The following DLGAP1 variants were observed in gnomAD, a reference collection of about 807,000 sequenced individuals.
DLGAP1 encodes the protein DLG associated protein 1.
Under a neutral mutation model 90.8 loss-of-function variants are expected in DLGAP1, and 11 were observed. That is an observed-to-expected ratio of 0.12 (90% CI 0.08 to 0.20). DLGAP1 has a LOEUF of 0.20. Ranked by LOEUF, DLGAP1 falls within the 10% of genes least tolerant of loss-of-function variation. DLGAP1 has a pLI of 1.00. For missense variants in DLGAP1, 1,050 were observed against 1,333.8 expected, an observed-to-expected ratio of 0.79 and a Z score of 3.31; for synonymous variants, 558 against 540.7, an observed-to-expected ratio of 1.03 and a Z score of -0.44.
intron 4 of DLGAP1, among the ~76,000 whole-genome samples, chr18:3,849,287 T>C (rs1274838793): frequency 2.6e-5 from 4 of 152,152 alleles, no homozygotes; most frequent in Non-Finnish European, 5.9e-5. Context: ...AAAAGGTGCA[T>C]GGGTCACTAC....
At chr18:4,176,894 C>G (rs1406466334) in intron 1 of DLGAP1, among the ~76,000 whole-genome samples, 1 of 152,180 alleles carries the variant, frequency 6.6e-6, no homozygotes, top group African/African-American at 2.4e-5. Context: ...CAGGATCCAG[C>G]TTGTTCTTGC....
intron 1 of DLGAP1, among the ~76,000 whole-genome samples, chr18:4,260,986 C>T (rs188214795): frequency 1.2e-4 from 18 of 152,188 alleles, no homozygotes; most frequent in South Asian, 2.1e-4. Flanking sequence ...AAAGTGAACA[C>T]GAACAAGTTG....
chr18:4,415,569 A>T (rs1442300861), intron 1 of DLGAP1, among the ~76,000 whole-genome samples: 1 of 152,206 alleles, frequency 6.6e-6, no homozygotes, highest in Non-Finnish European at 1.5e-5. Context: ...CTAAAAACAA[A>T]TATTAACTTT....
intron 7 of DLGAP1, among the ~76,000 whole-genome samples, chr18:3,632,190 C>A (rs770387659): frequency 1.3e-5 from 2 of 152,180 alleles, no homozygotes; most frequent in Non-Finnish European, 2.9e-5. Context: ...CATCAGGGAT[C>A]ATTTTTCTTC....
intron 3 of DLGAP1, among the ~76,000 whole-genome samples, chr18:3,935,714 T>C (rs1390115339): frequency 2.6e-5 from 4 of 152,170 alleles, no homozygotes; most frequent in Admixed American, 6.5e-5. Context: ...TGGAACTGTG[T>C]TTACATAGTA....
intron 1 of DLGAP1, among the ~76,000 whole-genome samples, chr18:4,369,955 G>C (rs2081879582): frequency 6.6e-6 from 1 of 152,042 alleles, no homozygotes; most frequent in South Asian, 2.1e-4. Flanking sequence ...GTGTGATACG[G>C]TTATGATCGC....
chr18:3,601,049 G>T (rs954301424), intron 7 of DLGAP1, among the ~76,000 whole-genome samples: 13 of 144,770 alleles, frequency 9.0e-5, no homozygotes, highest in African/African-American at 3.3e-4. Context: ...TAAAGATATA[G>T]ATAGATATAT....
At chr18:3,724,927 A>G (rs1428482130) in intron 7 of DLGAP1, among the ~76,000 whole-genome samples, 1 of 151,832 alleles carries the variant, frequency 6.6e-6, no homozygotes, top group Admixed American at 6.6e-5. Flanking sequence ...AACCCAACCA[A>G]ACAGAAAAAC....
chr18:4,326,519 C>T (rs1276335275), intron 1 of DLGAP1, among the ~76,000 whole-genome samples: 1 of 152,094 alleles, frequency 6.6e-6, no homozygotes, highest in Admixed American at 6.6e-5. Flanking sequence ...GTAAACTATT[C>T]TACCATAAAG....
At chr18:3,848,322 A>T (rs554718124) in intron 4 of DLGAP1, among the ~76,000 whole-genome samples, 1 of 152,090 alleles carries the variant, frequency 6.6e-6, no homozygotes, top group South Asian at 2.1e-4. Flanking sequence ...GGAGAAGGAC[A>T]AATATCAAAC....
At chr18:3,752,807 A>G (rs1214392348) in intron 5 of DLGAP1, among the ~76,000 whole-genome samples, 5 of 151,840 alleles carry the variant, frequency 3.3e-5, no homozygotes, top group Admixed American at 6.6e-5. Flanking sequence ...CACTGCATCC[A>G]GCCCTAGCAT....
chr18:3,651,859 T>G (rs2059318382), intron 7 of DLGAP1, among the ~76,000 whole-genome samples: 1 of 151,836 alleles, frequency 6.6e-6, no homozygotes, highest in African/African-American at 2.4e-5. Flanking sequence ...TAATCCCAGC[T>G]ACTCGGGAGG....
At chr18:4,350,449 C>G (rs2081382847) in intron 1 of DLGAP1, among the ~76,000 whole-genome samples, 1 of 152,122 alleles carries the variant, frequency 6.6e-6, no homozygotes, top group African/African-American at 2.4e-5. Flanking sequence ...CAATTTTCCT[C>G]AACACTAAAA....
At chr18:3,731,114 A>G (rs75405845) in intron 6 of DLGAP1, among the ~76,000 whole-genome samples, 1,987 of 152,268 alleles carry the variant, frequency 0.013, 55 homozygotes, top group African/African-American at 0.045. Flanking sequence ...TTCAAAGCCA[A>G]AAATAAAGCA....
intron 4 of DLGAP1, among the ~76,000 whole-genome samples, chr18:3,835,769 A>G (rs1156382074): frequency 2.6e-5 from 4 of 152,180 alleles, no homozygotes; most frequent in Non-Finnish European, 4.4e-5. Context: ...TTTGATGATT[A>G]TAATTAATTT....
chr18:3,589,471 A>G (rs2095977236), intron 7 of DLGAP1, among the ~76,000 whole-genome samples: 2 of 152,180 alleles, frequency 1.3e-5, no homozygotes, highest in South Asian at 4.1e-4. Flanking sequence ...GCAGTTCCTG[A>G]TTACTGCATT....
At chr18:4,352,842 A>C (rs566089736) in intron 1 of DLGAP1, among the ~76,000 whole-genome samples, 2 of 152,286 alleles carry the variant, frequency 1.3e-5, no homozygotes, top group South Asian at 4.1e-4. Flanking sequence ...TCTGTATGTG[A>C]ATCCCCGTTA....
chr18:3,507,617 A>C (rs2050310437), intron 11 of DLGAP1, among the ~76,000 whole-genome samples: 1 of 152,230 alleles, frequency 6.6e-6, no homozygotes, highest in African/African-American at 2.4e-5. Flanking sequence ...TCATATTTTA[A>C]GTAATTTAGA....
At chr18:3,750,639 T>G (rs1568068091) in intron 5 of DLGAP1, among the ~76,000 whole-genome samples, 1 of 152,132 alleles carries the variant, frequency 6.6e-6, no homozygotes, top group Non-Finnish European at 1.5e-5. Flanking sequence ...TGAATGTATC[T>G]CTCTTGTCCT....
Sources: allele counts gnomAD v4.1 joint callset (sites outside exome capture counted in the v4.1 genomes callset), GRCh38; gene constraint gnomAD v4.1.1; transcripts MANE v1.5; gene names NCBI Gene and HGNC (gene_info 2026-07-23, HGNC 2026-07-21).